ADAMTSL1: variants seen among roughly 807,000 people sequenced by gnomAD.
ADAMTSL1 encodes the protein ADAMTS like 1.
A neutral mutation model predicts 201.8 loss-of-function variants in ADAMTSL1; 126 were observed. That is an observed-to-expected ratio of 0.62 (90% CI 0.54 to 0.72). The LOEUF (loss-of-function observed/expected upper bound fraction) is 0.72, where lower values mean the gene tolerates loss of function less well. Ranked by LOEUF, ADAMTSL1 falls within the 30% of genes least tolerant of loss-of-function variation. ADAMTSL1 has a pLI of 0.00. For synonymous variants in ADAMTSL1, 1,121 were observed against 903.4 expected, an observed-to-expected ratio of 1.24 and a Z score of -4.32; for missense variants, 2,679 against 2,277.8, an observed-to-expected ratio of 1.18 and a Z score of -3.59.
chr9:18,768,832 G>A (rs533600837), intron 16 of ADAMTSL1, among the ~76,000 whole-genome samples: 13 of 152,178 alleles, frequency 8.5e-5, no homozygotes, highest in African/African-American at 2.2e-4. Flanking sequence ...TCTGGGTCCC[G>A]GATTTTCCTT....
chr9:18,185,351 C>A (rs375559077), intron 2 of ADAMTSL1, among the ~76,000 whole-genome samples: 1 of 152,124 alleles, frequency 6.6e-6, no homozygotes, highest in Non-Finnish European at 1.5e-5. Flanking sequence ...ATTCTTCCAA[C>A]AACCTGTAAA....
intron 12 of ADAMTSL1, among the ~76,000 whole-genome samples, chr9:18,683,019 T>C (rs1830600735): frequency 6.6e-6 from 1 of 152,224 alleles, no homozygotes; most frequent in Non-Finnish European, 1.5e-5. Context: ...TAGTAACTTC[T>C]ACATACAGTA....
intron 2 of ADAMTSL1, among the ~76,000 whole-genome samples, chr9:18,370,421 G>T (rs531544328): frequency 6.6e-6 from 1 of 152,012 alleles, no homozygotes; most frequent in South Asian, 2.1e-4. Context: ...CAACATATCC[G>T]TATGAAAACC....
chr9:17,941,956 G>A (rs1485743076), intron 1 of ADAMTSL1, among the ~76,000 whole-genome samples: 6 of 152,076 alleles, frequency 3.9e-5, no homozygotes, highest in Non-Finnish European at 8.8e-5. Flanking sequence ...CAGGCTAATT[G>A]CCTACCAAAG....
Position 18,755,406 on chromosome 9 carries a change from T to C in ADAMTSL1, c.2217+1898T>C, listed in dbSNP as rs2133623323. On this transcript the variant is annotated intron_variant, in intron 16 of 28. Coordinates refer to ENST00000380548, the MANE Select transcript of ADAMTSL1 (RefSeq NM_001040272.6). Reference sequence around the variant, plus strand: ...TATGGATAAAATGTTTACTGAATGATGAAATGAATGAATAGATGAAGAATG... The same window carrying C: ...TATGGATAAAATGTTTACTGAATGACGAAATGAATGAATAGATGAAGAATG... Among the ~76,000 whole-genome samples the C allele has an allele frequency of 1.3e-5, 2 of 152,286 alleles. 1 individual carries two copies. Among genetic ancestry groups the C allele is most frequent in the South Asian group, 4.1e-4 (2 of 4,824 alleles).
Position 18,030,195 on chromosome 9 carries a change from C to T in ADAMTSL1, c.87+123273C>T, listed in dbSNP as rs564777786. Among the ~76,000 whole-genome samples, 99 of 152,342 alleles carry T rather than the reference C, an allele frequency of 6.5e-4. 1 individual carries two copies. The highest frequency in any genetic ancestry group is 1.2e-3 in the Non-Finnish European group (79 of 68,034). Reference sequence around the variant, plus strand: ...GGATTAAGAAAATGTGGCACATATACACCATGGAATACTATGCAGCCATAA... The same window carrying T: ...GGATTAAGAAAATGTGGCACATATATACCATGGAATACTATGCAGCCATAA... On this transcript the variant is annotated intron_variant, in intron 1 of 29. Coordinates refer to the ADAMTSL1 transcript ENST00000680146.
At chr9:18,762,517 TC>T (rs1240938513) in intron 16 of ADAMTSL1, among the ~76,000 whole-genome samples, 5 of 152,072 alleles carry the variant, frequency 3.3e-5, no homozygotes, top group African/African-American at 1.2e-4. Flanking sequence ...CCAATTACAC[TC>T]TTTTTAAGTT....
At chr9:18,493,621 A>G (rs1434321878) in intron 1 of ADAMTSL1, among the ~76,000 whole-genome samples, 1 of 152,222 alleles carries the variant, frequency 6.6e-6, no homozygotes, top group Non-Finnish European at 1.5e-5. Flanking sequence ...TTTTGGGTAA[A>G]TTTAGAGTTG....
intron 2 of ADAMTSL1, among the ~76,000 whole-genome samples, chr9:18,437,185 C>G (rs537150609): frequency 1.3e-5 from 2 of 152,164 alleles, no homozygotes; most frequent in East Asian, 3.9e-4. Context: ...TCTTGCAAAT[C>G]CACTGCTTAT....
intron 14 of ADAMTSL1, among the ~76,000 whole-genome samples, chr9:18,712,575 G>C (rs1832682166): frequency 6.6e-6 from 1 of 151,932 alleles, no homozygotes; most frequent in Non-Finnish European, 1.5e-5. Context: ...AATGAGCAAA[G>C]CCTCCAAGAA....
intron 14 of ADAMTSL1, among the ~76,000 whole-genome samples, chr9:18,711,170 A>G (rs984641323): frequency 4.6e-5 from 7 of 152,374 alleles, no homozygotes; most frequent in African/African-American, 1.7e-4. Context: ...CACCCACTGT[A>G]TACATGACTA....
chr9:18,248,792 C>T (rs1831356376), intron 2 of ADAMTSL1, among the ~76,000 whole-genome samples: 1 of 152,118 alleles, frequency 6.6e-6, no homozygotes, highest in Admixed American at 6.5e-5. Context: ...ACTGTCTCTC[C>T]CTCAATCTCT....
intron 21 of ADAMTSL1, 158 bp from the exon 22 acceptor site, chr9:18,826,126 G>A: frequency 1.3e-6 from 1 of 787,240 alleles, no homozygotes; most frequent in Non-Finnish European, 2.1e-6. Flanking sequence ...ATCCTACCAG[G>A]CTCTGGACAT....
chr9:18,099,356 T>TATATA lies in ADAMTSL1; in HGVS notation c.88-64506_88-64505insATATA, dbSNP rs60877701. Among the ~76,000 whole-genome samples the TATATA allele has an allele frequency of 5.9e-3, 232 of 39,530 alleles. 2 individuals are homozygous for TATATA. Among genetic ancestry groups the TATATA allele is most frequent in the Non-Finnish European group, 7.6e-3 (165 of 21,672 alleles). 25.9% of individuals were successfully genotyped at this position (39,530 alleles called of 152,430 possible). A position where few individuals can be genotyped will look rare whatever the true frequency, so the allele number is the denominator to read the frequency against. ...ATATATATATATATATATATATATATTTTTTTTTTTTTTTTTAACATCCAT... is the reference window on the plus strand; with the variant it reads ...ATATATATATATATATATATATATATATATATTTTTTTTTTTTTTTTAACATCCAT... On this transcript the variant is annotated intron_variant, in intron 1 of 29. Transcript: ENST00000680146.
chr9:18,544,402 T>G (rs1820350365), intron 3 of ADAMTSL1, among the ~76,000 whole-genome samples: 1 of 152,134 alleles, frequency 6.6e-6, no homozygotes, highest in Non-Finnish European at 1.5e-5. Flanking sequence ...AACTCCAAAT[T>G]GTTAGGGAAC....
At chr9:18,365,988 C>A (rs1275773582) in intron 2 of ADAMTSL1, among the ~76,000 whole-genome samples, 1 of 152,158 alleles carries the variant, frequency 6.6e-6, no homozygotes, top group African/African-American at 2.4e-5. Flanking sequence ...AAACCTCTCG[C>A]CTGCCCTGTC....
chr9:18,063,452 A>G (rs1006712015), intron 1 of ADAMTSL1, among the ~76,000 whole-genome samples: 10 of 152,264 alleles, frequency 6.6e-5, no homozygotes, highest in Non-Finnish European at 1.5e-4. Context: ...TCTGAAATGA[A>G]TAACTTAAAT....
intron 1 of ADAMTSL1, among the ~76,000 whole-genome samples, chr9:18,121,130 G>C (rs1825477918): frequency 6.6e-6 from 1 of 152,096 alleles, no homozygotes; most frequent in African/African-American, 2.4e-5. Context: ...GGATACAGTT[G>C]GCTCTAGGAA....
chr9:17,964,585 T>C (rs1014724664), intron 1 of ADAMTSL1, among the ~76,000 whole-genome samples: 1 of 152,108 alleles, frequency 6.6e-6, no homozygotes, highest in East Asian at 1.9e-4. Context: ...TACACATAGG[T>C]ACACACAAAT....
Sources: gnomAD v4.1 joint callset for allele counts (sites outside exome capture counted in the v4.1 genomes callset) on GRCh38, gnomAD v4.1.1 for gene constraint, MANE v1.5 for transcripts, NCBI Gene and HGNC (gene_info 2026-07-23, HGNC 2026-07-21) for gene names.